The following ASS1 variants were observed in gnomAD, a reference collection of about 807,000 sequenced individuals.
ASS1 encodes argininosuccinate synthase 1.
A neutral mutation model predicts 60.5 loss-of-function variants in ASS1; 58 were observed. The observed-to-expected ratio is 0.96, with a 90% CI of 0.78 to 1.19. The LOEUF (loss-of-function observed/expected upper bound fraction) is 1.19, where lower values mean the gene tolerates loss of function less well. Among genes scored for constraint, ASS1 ranks in the 50% most tolerant of loss-of-function variants. ASS1 has a pLI of 0.00. For missense variants in ASS1, 454 were observed against 547.3 expected (o/e 0.83, Z 1.70); for synonymous variants, 200 against 206.9 (o/e 0.97, Z 0.29).
chr9:130,487,331 G>A lies in ASS1; in HGVS notation c.839-2002G>A, dbSNP rs112687812. The stretch of plus-strand genomic sequence containing the variant: ...AGGAGGAAACTTCTGGTTAGTGCAC[G>A]AGGGCTCAGCAGACTCAGCCTCCCC... On this transcript the variant is annotated intron_variant, in intron 11 of 14. Transcript: ENST00000352480. Among the ~76,000 whole-genome samples the A allele has an allele frequency of 4.7e-4, 71 of 151,748 alleles. 1 individual carries two copies. The highest frequency in any genetic ancestry group is 1.5e-3 in the Admixed American group (23 of 15,258).
At chr9:130,474,050 T>TCCCCC (rs1845946654) in intron 8 of ASS1, among the ~76,000 whole-genome samples, 1 of 30,466 alleles carries the variant, frequency 3.3e-5, no homozygotes, top group African/African-American at 1.4e-4. Flanking sequence ...TTCACTCTCT[T>TCCCCC]CCCTCCCCCG....
At chr9:130,451,308 C>T (rs1845319943) in intron 1 of ASS1, among the ~76,000 whole-genome samples, 2 of 48,842 alleles carry the variant, frequency 4.1e-5, no homozygotes, top group Admixed American at 2.3e-4. Context: ...GGCCTGGCTG[C>T]AGAGAGCCCT....
rs1238011342 is a variant in ASS1, at chr9:130,494,861, C to G, written c.971-6C>G. Reference sequence around the variant, plus strand: ...CCCTAGTGGTATCCTGTTTTCCTCCCTGTAGGTTTCTGGCACAGCCCTGAG... The same window carrying G: ...CCCTAGTGGTATCCTGTTTTCCTCCGTGTAGGTTTCTGGCACAGCCCTGAG... On this transcript the variant is annotated splice_region_variant and splice_polypyrimidine_tract_variant and intron_variant, in intron 12 of 14. Transcript: ENST00000352480. The surrounding 1 kb of genome is among the most constrained non-coding windows in gnomAD (Gnocchi z 4.3). 6.2e-7 allele frequency: 1 copy of G among 1,613,214 alleles called. No individual in the cohort carries two copies. The highest frequency in any genetic ancestry group is 8.5e-7 in the Non-Finnish European group (1 of 1,179,842).
intron 11 of ASS1, among the ~76,000 whole-genome samples, chr9:130,481,239 G>C (rs1037668064): frequency 1.3e-5 from 2 of 152,116 alleles, no homozygotes; most frequent in African/African-American, 4.8e-5. Context: ...TCAGCTCCCT[G>C]AGGGTCTGCC....
chr9:130,467,384 TC>T (rs976455035), intron 6 of ASS1, among the ~76,000 whole-genome samples: 1 of 152,202 alleles, frequency 6.6e-6, no homozygotes, highest in Non-Finnish European at 1.5e-5. Flanking sequence ...AGGGCACCTT[TC>T]TTTTTAGCGA....
chr9:130,495,318 C>T (rs1408252142), intron 13 of ASS1, among the ~76,000 whole-genome samples: 2 of 151,808 alleles, frequency 1.3e-5, no homozygotes, highest in African/African-American at 4.8e-5. Context: ...AGGGGTGGTG[C>T]ATGCCTGTAA....
At chr9:130,475,978 C>T (rs552688460) in intron 8 of ASS1, among the ~76,000 whole-genome samples, 5 of 152,220 alleles carry the variant, frequency 3.3e-5, no homozygotes, top group East Asian at 1.9e-4. Context: ...AGGCTGGTGT[C>T]GAACTCCTGA....
chr9:130,501,209 G>C lies in ASS1; in HGVS notation c.*188G>C, dbSNP rs1846748235. 2 of 648,740 alleles carry C rather than the reference G, an allele frequency of 3.1e-6. No homozygotes were observed. Among genetic ancestry groups the C allele is most frequent in the Middle Eastern group, 4.2e-4 (1 of 2,358 alleles). 40.2% of individuals were successfully genotyped at this position (648,740 alleles called of 1,614,324 possible). ...AAACGTTGTCATCGAAGGGAAGGGTGGGGGGCAGCTGCGGTGGGGAGCTAT... is the reference window on the plus strand; with the variant it reads ...AAACGTTGTCATCGAAGGGAAGGGTCGGGGGCAGCTGCGGTGGGGAGCTAT... On this transcript the variant is annotated 3_prime_UTR_variant, in exon 15 of 15. Transcript: ENST00000352480.
intron 1 of ASS1, chr9:130,451,765 C>T (rs1374070137): frequency 1.4e-5 from 6 of 442,242 alleles, no homozygotes; most frequent in Non-Finnish European, 2.3e-5. Flanking sequence ...AGGGAGATCC[C>T]GCTGAGGCTC....
chr9:130,487,403 T>TA (rs1382405578), intron 11 of ASS1, among the ~76,000 whole-genome samples: 6 of 149,940 alleles, frequency 4.0e-5, no homozygotes, highest in Non-Finnish European at 8.9e-5. Flanking sequence ...CTTCATGGTT[T>TA]TTTTTTTTTT....
intron 11 of ASS1, 135 bp downstream of exon 11, chr9:130,480,584 C>G (rs1472026424): frequency 3.3e-6 from 3 of 895,568 alleles, no homozygotes; most frequent in Non-Finnish European, 5.3e-6. Flanking sequence ...TCACCACACC[C>G]CGTGAGACCG....
chr9:130,464,313 G>A (rs1845674469), intron 5 of ASS1, 146 bp downstream of exon 5: 2 of 987,906 alleles, frequency 2.0e-6, no homozygotes, highest in South Asian at 1.4e-5. Context: ...ACAGCCTGCT[G>A]GGGAGGCTCC....
At chr9:130,471,369 TG>T in intron 7 of ASS1, 115 bp from the exon 8 acceptor site, 1 of 1,327,006 alleles carries the variant, frequency 7.5e-7, no homozygotes, top group Non-Finnish European at 1.1e-6. Flanking sequence ...GCAGATGCTC[TG>T]GCAGAGAGTA....
intron 11 of ASS1, among the ~76,000 whole-genome samples, chr9:130,487,843 C>T (rs966201608): frequency 6.6e-6 from 1 of 152,006 alleles, no homozygotes; most frequent in African/African-American, 2.4e-5. Flanking sequence ...CTCTGCCTCC[C>T]AGGCTCCAGT....
intron 11 of ASS1, among the ~76,000 whole-genome samples, chr9:130,486,169 T>C (rs1846303106): frequency 6.6e-6 from 1 of 152,060 alleles, no homozygotes; most frequent in South Asian, 2.1e-4. Flanking sequence ...CTATATTGCC[T>C]GGGTTGGTCT....
intron 14 of ASS1, among the ~76,000 whole-genome samples, chr9:130,500,321 C>T (rs1189070801): frequency 6.6e-6 from 1 of 152,152 alleles, no homozygotes; most frequent in African/African-American, 2.4e-5. Flanking sequence ...TTTGCAACTC[C>T]CCGGGAACAG....
In ASS1 at chr9:130,454,390, A is replaced by T. The variant is rs1588472598; in HGVS notation, c.174+17A>T. ...GCCAAAAAGGTACCAGGCGGGAGGC[A>T]GGGATTTGGGCTGGGAGTGGGGCGG... is the stretch of plus-strand genomic sequence containing the variant. On this transcript the variant is annotated intron_variant, in intron 3 of 14. Transcript: ENST00000352480. The T allele has an allele frequency of 6.2e-7, 1 of 1,612,482 alleles. No individual in the cohort carries two copies. Among genetic ancestry groups the T allele is most frequent in the East Asian group, 2.2e-5 (1 of 44,840 alleles).
chr9:130,482,486 G>A (rs561890620), intron 11 of ASS1, among the ~76,000 whole-genome samples: 4 of 151,804 alleles, frequency 2.6e-5, no homozygotes, highest in African/African-American at 9.7e-5. Context: ...ACTACCAAAT[G>A]ATCAGGATTG....
intron 8 of ASS1, among the ~76,000 whole-genome samples, chr9:130,473,910 G>C (rs1845937864): frequency 6.6e-6 from 1 of 152,100 alleles, no homozygotes. Flanking sequence ...TTGCGGCATC[G>C]ATCATGCCTC....
Sources: allele counts gnomAD v4.1 joint callset (sites outside exome capture counted in the v4.1 genomes callset), GRCh38; gene constraint gnomAD v4.1.1; non-coding constraint Gnocchi (gnomAD v3.1); transcripts MANE v1.5; gene names NCBI Gene and HGNC (gene_info 2026-07-23, HGNC 2026-07-21).